Variants in SMYD3 observed in about 807,000 individuals in gnomAD.
SMYD3 encodes histone-lysine N-methyltransferase SMYD3.
Under a neutral mutation model 57.7 loss-of-function variants are expected in SMYD3, and 36 were observed. That is an observed-to-expected ratio of 0.62 (90% CI 0.48 to 0.82). The LOEUF is 0.82. Among genes scored for constraint, SMYD3 ranks in the 40% least tolerant of loss-of-function variants. The pLI is 0.00. For missense variants in SMYD3, 515 were observed against 538.8 expected (o/e 0.96, Z 0.44); for synonymous variants, 211 against 195.0 (o/e 1.08, Z -0.68).
intron 5 of SMYD3, among the ~76,000 whole-genome samples, chr1:246,241,770 G>T (rs1474207317): frequency 6.6e-6 from 1 of 152,068 alleles, no homozygotes; most frequent in Non-Finnish European, 1.5e-5. Context: ...CAATTTCAGA[G>T]CCTGTTATTG....
chr1:245,780,680 T>C (rs2046794000), intron 10 of SMYD3, among the ~76,000 whole-genome samples: 1 of 152,250 alleles, frequency 6.6e-6, no homozygotes, highest in African/African-American at 2.4e-5. Context: ...GTGGATTTTA[T>C]GGTATGCAAG....
At chr1:246,481,640 AT>A (rs111623764) in intron 1 of SMYD3, among the ~76,000 whole-genome samples, 1 of 135,230 alleles carries the variant, frequency 7.4e-6, no homozygotes, top group Non-Finnish European at 1.6e-5. Flanking sequence ...ACATACACAT[AT>A]TCATATATGA....
intron 5 of SMYD3, among the ~76,000 whole-genome samples, chr1:246,009,575 T>A (rs1451140559): frequency 7.3e-6 from 1 of 136,788 alleles, no homozygotes; most frequent in East Asian, 2.2e-4. Flanking sequence ...GGTTTGTGTA[T>A]ATATCATATA....
At chr1:246,194,576 A>C (rs1572193959) in intron 5 of SMYD3, among the ~76,000 whole-genome samples, 1 of 152,156 alleles carries the variant, frequency 6.6e-6, no homozygotes, top group Admixed American at 6.5e-5. Context: ...TGCATGCCAC[A>C]GTTTTTCACA....
intron 5 of SMYD3, among the ~76,000 whole-genome samples, chr1:246,238,552 C>T (rs2063547492): frequency 6.6e-6 from 1 of 152,130 alleles, no homozygotes; most frequent in African/African-American, 2.4e-5. Flanking sequence ...TATTGTGGAA[C>T]AGCTCCACAG....
At chr1:246,297,648 T>A (rs971339276) in intron 5 of SMYD3, among the ~76,000 whole-genome samples, 2 of 152,108 alleles carry the variant, frequency 1.3e-5, no homozygotes, top group African/African-American at 4.8e-5. Flanking sequence ...AAGAATAAAT[T>A]TCTTGACTAG....
rs75672943 is a variant in SMYD3 at position 246,446,121 on chromosome 1, C to T, written c.164+60933G>A. 2.9e-4 allele frequency among the ~76,000 whole-genome samples: 44 copies of T among 152,228 alleles called. No individual in the cohort carries two copies. In the South Asian group the frequency reaches 9.1e-3, roughly 32 times the overall value. On this transcript the variant is annotated intron_variant, in intron 1 of 11. Transcript: ENST00000490107. ...ACCCTGGATGTAAACATATCAATTG[C>T]CTCTAAAATAAAGACCAAGTATTGA...
At chr1:246,090,243 C>T (rs926436915) in intron 5 of SMYD3, among the ~76,000 whole-genome samples, 7 of 152,130 alleles carry the variant, frequency 4.6e-5, no homozygotes, top group Non-Finnish European at 1.0e-4. Context: ...GTCCAACATA[C>T]ATAATCCTTG....
chr1:246,185,996 G>A (rs1330353977), intron 5 of SMYD3, among the ~76,000 whole-genome samples: 1 of 152,056 alleles, frequency 6.6e-6, no homozygotes, highest in African/African-American at 2.4e-5. Flanking sequence ...TAGAATCACA[G>A]ACTAGAGGTT....
chr1:246,140,624 T>G (rs1299884858), intron 5 of SMYD3, among the ~76,000 whole-genome samples: 1 of 152,098 alleles, frequency 6.6e-6, no homozygotes, highest in Non-Finnish European at 1.5e-5. Context: ...TATTTATTAT[T>G]TTTTAGAGAT....
intron 1 of SMYD3, 61 bp downstream of exon 1, chr1:246,506,993 C>CCCCCA: frequency 2.3e-6 from 2 of 884,058 alleles, no homozygotes; most frequent in Non-Finnish European, 3.0e-6. Flanking sequence ...CCCGACGCCC[C>CCCCCA]CCCCTCCCCA....
intron 5 of SMYD3, among the ~76,000 whole-genome samples, chr1:246,143,090 T>C (rs1243252267): frequency 6.6e-6 from 1 of 151,212 alleles, no homozygotes; most frequent in Non-Finnish European, 1.5e-5. Context: ...CTGGATTACA[T>C]TATCTTTTTT....
In SMYD3 at chr1:246,392,800, G is replaced by T. The variant is rs1044381399; in HGVS notation, c.165-37706C>A. ...TTCAACAGCAAAAAAAAAAGAAAAA[G>T]AAAAAGAAAAAAAAAAAACTCAATT... On this transcript the variant is annotated intron_variant, in intron 1 of 11. Coordinates refer to ENST00000490107, the MANE Select transcript of SMYD3 (RefSeq NM_001167740.2). Among the ~76,000 whole-genome samples the T allele has an allele frequency of 2.4e-3, 224 of 92,880 alleles. 1 individual carries two copies. The highest frequency in any genetic ancestry group is 4.0e-3 in the Non-Finnish European group (174 of 43,894). 60.9% of individuals were successfully genotyped at this position (92,880 alleles called of 152,430 possible). A position where few individuals can be genotyped will look rare whatever the true frequency, so the allele number is the denominator to read the frequency against.
intron 5 of SMYD3, among the ~76,000 whole-genome samples, chr1:246,210,920 C>T (rs1485902229): frequency 1.3e-5 from 2 of 152,068 alleles, no homozygotes; most frequent in African/African-American, 2.4e-5. Flanking sequence ...GCACTGCTTT[C>T]GGCCCCGCAT....
Position 245,892,723 on chromosome 1 carries a change from A to G in SMYD3, c.813+22807T>C, listed in dbSNP as rs146919164. ...AAAAAAGAACATTATGCATACACAT[A>G]AATTAACTGAAAATGGATCAAATTC... On this transcript the variant is annotated intron_variant, in intron 8 of 11. Coordinates refer to ENST00000490107, the MANE Select transcript of SMYD3 (RefSeq NM_001167740.2). Among the ~76,000 whole-genome samples the G allele has an allele frequency of 1.1e-4, 16 of 152,368 alleles. No homozygotes were observed. The East Asian group carries it at 3.1e-3, about 29-fold the overall frequency.
At chr1:246,442,946 C>G (rs759094714) in intron 1 of SMYD3, among the ~76,000 whole-genome samples, 1 of 152,152 alleles carries the variant, frequency 6.6e-6, no homozygotes, top group African/African-American at 2.4e-5. Flanking sequence ...AGAATTCTTG[C>G]CTAGCAACTT....
intron 5 of SMYD3, among the ~76,000 whole-genome samples, chr1:246,244,207 C>A (rs1324447956): frequency 6.6e-6 from 1 of 152,124 alleles, no homozygotes; most frequent in Non-Finnish European, 1.5e-5. Flanking sequence ...ACTCATCACT[C>A]ATTTCCCACA....
At chr1:246,346,179 G>C (rs953172279) in intron 2 of SMYD3, among the ~76,000 whole-genome samples, 1 of 152,136 alleles carries the variant, frequency 6.6e-6, no homozygotes, top group African/African-American at 2.4e-5. Flanking sequence ...AGCTCCTCGG[G>C]AGGCTGAGGC....
intron 7 of SMYD3, among the ~76,000 whole-genome samples, chr1:245,922,005 A>T (rs529697534): frequency 2.0e-5 from 3 of 152,322 alleles, no homozygotes; most frequent in Admixed American, 6.5e-5. Context: ...TTATTTTTTT[A>T]AAAATCACAA....
Sources: gnomAD v4.1 joint callset for allele counts (sites outside exome capture counted in the v4.1 genomes callset) on GRCh38, gnomAD v4.1.1 for gene constraint, MANE v1.5 for transcripts, NCBI Gene and HGNC (gene_info 2026-07-23, HGNC 2026-07-21) for gene names.